ITPA: variants seen among roughly 807,000 people sequenced by gnomAD.
ITPA encodes inosine triphosphatase, also known as inosine triphosphate pyrophosphatase.
Under a neutral mutation model 29.6 loss-of-function variants are expected in ITPA, and 29 were observed. The observed-to-expected ratio is 0.98, with a 90% CI of 0.73 to 1.34. The LOEUF is 1.34. ITPA is among the 40% of genes most tolerant of loss of function. The pLI is 0.00. For synonymous variants in ITPA, 103 were observed against 99.3 expected (o/e 1.04, Z -0.22); for missense variants, 241 against 251.5 (o/e 0.96, Z 0.28).
chr20:3,222,349 T>A (rs1430520197), intron 7 of ITPA, among the ~76,000 whole-genome samples: 1 of 151,992 alleles, frequency 6.6e-6, no homozygotes, highest in Non-Finnish European at 1.5e-5. Flanking sequence ...CAGCTGAGAT[T>A]ACAGGCACGC....
upstream of ITPA, chr20:3,208,955 T>G: frequency 6.5e-6 from 1 of 154,804 alleles, no homozygotes; most frequent in Admixed American, 6.3e-5. Context: ...GGAGAAGGGG[T>G]GATAGATTTG....
At position 3,221,999 on chromosome 20, in the gene ITPA, C is replaced by T. The variant is rs898401124; in HGVS notation, c.488+82C>T. 23 of 1,338,256 alleles carry T rather than the reference C, an allele frequency of 1.7e-5. No homozygotes were observed. The African/African-American group carries it at 2.9e-4, about 17-fold the overall frequency. 82.9% of individuals were successfully genotyped at this position (1,338,256 alleles called of 1,614,324 possible). A position where few individuals can be genotyped will look rare whatever the true frequency, so the allele number is the denominator to read the frequency against. ...GTTGGGCCAGTGCCCCGCCCAAGTG[C>T]AGGCATGCGGATATGGGCAGGGGAG... On this transcript the variant is annotated intron_variant, in intron 7 of 7. Transcript: ENST00000380113.
downstream of ITPA, among the ~76,000 whole-genome samples, chr20:3,225,944 G>A (rs1413483406): frequency 1.3e-5 from 2 of 152,150 alleles, no homozygotes; most frequent in African/African-American, 4.8e-5. Flanking sequence ...CATGAGAATC[G>A]CTTGAGCCCA....
chr20:3,205,259 C>A (rs1366337383), upstream of ITPA, among the ~76,000 whole-genome samples: 1 of 151,704 alleles, frequency 6.6e-6, no homozygotes, highest in African/African-American at 2.4e-5. Context: ...TTCAGGATAG[C>A]GATTACCTCT....
At chr20:3,217,979 C>T (rs556000144) in intron 5 of ITPA, among the ~76,000 whole-genome samples, 2 of 150,250 alleles carry the variant, frequency 1.3e-5, no homozygotes, top group Non-Finnish European at 3.0e-5. Context: ...GTGCAGTGGC[C>T]CGATCTCGGC....
Position 3,213,196 on chromosome 20 carries a change from C to T in ITPA, c.94C>T (p.Pro32Ser), listed in dbSNP as rs1127354. 4 of 1,614,088 alleles carry T rather than the reference C, an allele frequency of 2.5e-6. No homozygotes were observed. Among genetic ancestry groups the T allele is most frequent in the Non-Finnish European group, 3.4e-6 (4 of 1,179,966 alleles). Residue 32 changes from proline to serine, a missense_variant, in exon 2 of 8, where the codon CCA becomes TCA. By Grantham distance (74) the Pro-to-Ser change is moderately conservative. Coordinates refer to ENST00000380113, the MANE Select transcript of ITPA (RefSeq NM_033453.4). ...CGTTCAGATTCTAGGAGATAAGTTT[C>T]CATGCACTTTGGTGGCACAGAAAAT... ...EVVQILGDKF[P>S]CTLVAQKIDL...
chr20:3,227,138 C>T (rs574921133), downstream of ITPA, among the ~76,000 whole-genome samples: 1 of 152,376 alleles, frequency 6.6e-6, no homozygotes, highest in East Asian at 1.9e-4. Context: ...CTTCACCAGC[C>T]ACAGCGCCTC....
intron 5 of ITPA, among the ~76,000 whole-genome samples, chr20:3,218,080 G>C (rs766306271): frequency 6.6e-6 from 1 of 151,914 alleles, no homozygotes; most frequent in Non-Finnish European, 1.5e-5. Context: ...ACCACGCCCG[G>C]CTAATTTTTT....
At chr20:3,226,907 C>CATTCCCACCCCGT (rs2067559719), downstream of ITPA, among the ~76,000 whole-genome samples, 1 of 152,204 alleles carries the variant, frequency 6.6e-6, no homozygotes. This position sits in a 1 kb window ranked among gnomAD's most constrained non-coding sequence, Gnocchi z 4.4. Context: ...CTTCTCCCTC[C>CATTCCCACCCCGT]GTCAAACCAT....
chr20:3,215,435 C>T (rs1002231509), intron 5 of ITPA, 123 bp downstream of exon 5: 2 of 828,278 alleles, frequency 2.4e-6, no homozygotes, highest in Admixed American at 1.9e-5. Context: ...GGAGCCTCCA[C>T]CTCATTTTCC....
chr20:3,208,623 G>A (rs1236450132), upstream of ITPA, among the ~76,000 whole-genome samples: 1 of 152,158 alleles, frequency 6.6e-6, no homozygotes, highest in African/African-American at 2.4e-5. Context: ...TGATCCACTC[G>A]CCTCAGCCTC....
intron 5 of ITPA, among the ~76,000 whole-genome samples, chr20:3,217,708 A>G (rs1600518251): frequency 6.6e-6 from 1 of 150,942 alleles, no homozygotes; most frequent in Non-Finnish European, 1.5e-5. Context: ...AGCTCAAGCA[A>G]CCCACCCGCC....
chr20:3,204,688 G>A (rs530483669), upstream of ITPA: 15 of 1,495,006 alleles, frequency 1.0e-5, no homozygotes, highest in South Asian at 1.2e-4. Context: ...CATAGGCCCC[G>A]CCCCTATTTC....
chr20:3,218,420 A>G, intron 5 of ITPA, 97 bp from the exon 6 acceptor site: 1 of 859,932 alleles, frequency 1.2e-6, no homozygotes, highest in South Asian at 1.4e-5. Context: ...TTCCCCTTTT[A>G]GGGAATTCCT....
In ITPA at chr20:3,214,207, G is replaced by A. The variant is rs2067240138; in HGVS notation, c.263+149G>A. On this transcript the variant is annotated intron_variant, in intron 4 of 7. Coordinates refer to ENST00000380113, the MANE Select transcript of ITPA (RefSeq NM_033453.4). ...CCCGAGGAAAGACGGGATAGGAGAA[G>A]CATGCCTTTCTTTTGTAAAGTGTGA... The A allele has an allele frequency of 6.5e-5, 48 of 740,536 alleles. No individual in the cohort carries two copies. The South Asian group carries it at 7.4e-4, about 11-fold the overall frequency. The allele number at this position is 740,536 out of a possible 1,614,324, so 45.9% of individuals were successfully genotyped here. A position where few individuals can be genotyped will look rare whatever the true frequency, so the allele number is the denominator to read the frequency against.
chr20:3,213,166 C>G lies in ITPA; in HGVS notation c.67-3C>G, dbSNP rs747353977. The G allele has an allele frequency of 1.2e-6, 2 of 1,613,580 alleles. No homozygotes were observed. The highest frequency in any genetic ancestry group is 2.2e-5 in the South Asian group (2 of 91,068). On this transcript the variant is annotated splice_region_variant and splice_polypyrimidine_tract_variant and intron_variant, in intron 1 of 7. Transcript: ENST00000380113. ...ATAAGTGTTCTCTTTTCTCTTGGAA[C>G]AGGTCGTTCAGATTCTAGGAGATAA...
At chr20:3,222,030 C>T in intron 7 of ITPA, 113 bp downstream of exon 7, 2 of 1,025,718 alleles carry the variant, frequency 1.9e-6, no homozygotes, top group Non-Finnish European at 3.0e-6. Context: ...GGGAGGCTCC[C>T]AGGGTGCTGT....
chr20:3,226,349 G>A (rs1469246938), downstream of ITPA, among the ~76,000 whole-genome samples: 1 of 152,206 alleles, frequency 6.6e-6, no homozygotes, highest in African/African-American at 2.4e-5. This position sits in a 1 kb window ranked among gnomAD's most constrained non-coding sequence, Gnocchi z 4.4. Context: ...GTTGTGCACA[G>A]TGAGAGCGGA....
At chr20:3,211,602 C>T (rs1280413963) in intron 1 of ITPA, among the ~76,000 whole-genome samples, 1 of 152,218 alleles carries the variant, frequency 6.6e-6, no homozygotes. Context: ...AAGCAATCCT[C>T]ATGCCTCAGC....
Sources: gnomAD v4.1 joint callset for allele counts (sites outside exome capture counted in the v4.1 genomes callset) on GRCh38, gnomAD v4.1.1 for gene constraint, Gnocchi (gnomAD v3.1) non-coding constraint, MANE v1.5 for transcripts, NCBI Gene and HGNC (gene_info 2026-07-23, HGNC 2026-07-21) for gene names.